The following IL20RB variants were observed in gnomAD, a reference collection of about 807,000 sequenced individuals.
IL20RB encodes interleukin-20 receptor subunit beta.
In IL20RB, 21 loss-of-function variants were observed where a neutral mutation model predicts 33.3. That is an observed-to-expected ratio of 0.63 (90% CI 0.45 to 0.91). The LOEUF (loss-of-function observed/expected upper bound fraction) is 0.91, where lower values mean the gene tolerates loss of function less well. Ranked by LOEUF, IL20RB falls within the 40% of genes least tolerant of loss-of-function variation. The pLI, the probability that IL20RB is intolerant of heterozygous loss-of-function variation, is 0.00. For missense variants in IL20RB, 345 were observed against 384.8 expected, an observed-to-expected ratio of 0.90 and a Z score of 0.86; for synonymous variants, 147 against 146.8, an observed-to-expected ratio of 1.00 and a Z score of -0.01.
At chr3:136,988,910 G>A (rs1941971191) in intron 3 of IL20RB, among the ~76,000 whole-genome samples, 1 of 152,178 alleles carries the variant, frequency 6.6e-6, no homozygotes, top group Non-Finnish European at 1.5e-5. Context: ...GAATGCACAT[G>A]GCCCTGCCAG....
chr3:136,988,418 A>G (rs981424877), intron 3 of IL20RB, among the ~76,000 whole-genome samples: 1 of 152,018 alleles, frequency 6.6e-6, no homozygotes, highest in African/African-American at 2.4e-5. Context: ...TTATGCTGTA[A>G]TTTCTAGAGT....
rs1433956486 is a variant in IL20RB, at chr3:136,964,285, G to A, written c.88+6084G>A. Among the ~76,000 whole-genome samples the A allele has an allele frequency of 5.9e-4, 48 of 81,644 alleles. 6 individuals carry two copies. The highest frequency in any genetic ancestry group is 2.5e-3 in the African/African-American group (46 of 18,440). 53.6% of individuals were successfully genotyped at this position (81,644 alleles called of 152,430 possible). A position where few individuals can be genotyped will look rare whatever the true frequency, so the allele number is the denominator to read the frequency against. ...AATCGCCACACTGACTTCCACAATG[G>A]TTGAACTAGTTTACAGTCCCACCAA... On this transcript the variant is annotated intron_variant, in intron 1 of 6. Coordinates refer to ENST00000329582, the MANE Select transcript of IL20RB (RefSeq NM_144717.4).
intron 4 of IL20RB, 128 bp from the exon 5 acceptor site, chr3:136,991,810 A>G (rs896873352): frequency 6.2e-6 from 5 of 812,184 alleles, no homozygotes; most frequent in East Asian, 2.7e-5. Flanking sequence ...GTGTTTCACC[A>G]TGTTGGTCAG....
Position 136,986,242 on chromosome 3 carries a change from A to T in IL20RB, c.407-3199A>T, listed in dbSNP as rs955428276. Among the ~76,000 whole-genome samples the T allele has an allele frequency of 4.3e-4, 60 of 139,744 alleles. No homozygotes were observed. In the East Asian group the frequency reaches 0.012, roughly 29 times the overall value. 91.7% of individuals were successfully genotyped at this position (139,744 alleles called of 152,430 possible). The stretch of plus-strand genomic sequence containing the variant: ...AAATAAATAAATAAATAAATAAATA[A>T]ATAAATAAATAAATAAAAATAAAAC... On this transcript the variant is annotated intron_variant, in intron 3 of 6. Coordinates refer to ENST00000329582, the MANE Select transcript of IL20RB (RefSeq NM_144717.4).
chr3:136,989,083 T>A (rs1194785645), intron 3 of IL20RB, among the ~76,000 whole-genome samples: 5 of 152,168 alleles, frequency 3.3e-5, no homozygotes, highest in African/African-American at 1.2e-4. Context: ...GGGGCATGGA[T>A]CATAAAATTT....
intron 6 of IL20RB, among the ~76,000 whole-genome samples, chr3:136,997,612 C>T (rs1204914839): frequency 4.4e-4 from 58 of 133,108 alleles, no homozygotes; most frequent in African/African-American, 1.5e-3. Flanking sequence ...TATGGTATAT[C>T]TTTTTTATTT....
chr3:136,988,099 G>A (rs538718202), intron 3 of IL20RB, among the ~76,000 whole-genome samples: 2 of 152,228 alleles, frequency 1.3e-5, no homozygotes, highest in African/African-American at 2.4e-5. Context: ...GGCAGAGGAC[G>A]CGCCCAGAGT....
At chr3:136,972,993 C>T (rs529217940) in intron 1 of IL20RB, among the ~76,000 whole-genome samples, 7 of 151,830 alleles carry the variant, frequency 4.6e-5, no homozygotes, top group East Asian at 1.9e-4. Context: ...ATGTTGTGTT[C>T]GATTTTTATT....
At chr3:136,991,857 G>A (rs1298825388) in intron 4 of IL20RB, 81 bp from the exon 5 acceptor site, 5 of 1,475,240 alleles carry the variant, frequency 3.4e-6, no homozygotes, top group African/African-American at 2.8e-5. Context: ...TGATCCGCCC[G>A]CCTCAGGCTC....
intron 1 of IL20RB, among the ~76,000 whole-genome samples, chr3:136,974,834 A>G (rs1245902406): frequency 2.0e-5 from 3 of 152,294 alleles, no homozygotes; most frequent in Non-Finnish European, 4.4e-5. Flanking sequence ...TGACTGGATT[A>G]TTTCAAAAGA....
At chr3:137,007,552 G>A (rs140992430) in intron 6 of IL20RB, among the ~76,000 whole-genome samples, 3 of 152,312 alleles carry the variant, frequency 2.0e-5, no homozygotes, top group South Asian at 2.1e-4. Context: ...AGACTGCTGC[G>A]CTAGCAGTGA....
Position 136,974,107 on chromosome 3 carries a change from T to C in IL20RB, c.89-6359T>C, listed in dbSNP as rs895110768. Among the ~76,000 whole-genome samples, 4 of 152,270 alleles carry C rather than the reference T, an allele frequency of 2.6e-5. No homozygotes were observed. The South Asian group carries it at 8.3e-4, about 32-fold the overall frequency. On this transcript the variant is annotated intron_variant, in intron 1 of 6. Coordinates refer to ENST00000329582, the MANE Select transcript of IL20RB (RefSeq NM_144717.4). ...TTCCTGTCATATTGTTAATTTTTTT[T>C]CTGTTTGTTTTACATATTATTTAGT...
At chr3:136,992,151 A>C in intron 5 of IL20RB, 63 bp downstream of exon 5, 180 of 1,546,986 alleles carry the variant, frequency 1.2e-4, no homozygotes, top group Middle Eastern at 2.1e-4. Flanking sequence ...GGCATATCTC[A>C]GAGGCCTGCT....
At chr3:137,004,078 A>G (rs1195467241) in intron 6 of IL20RB, among the ~76,000 whole-genome samples, 3 of 152,122 alleles carry the variant, frequency 2.0e-5, no homozygotes, top group African/African-American at 7.2e-5. Flanking sequence ...TGATTTGTGT[A>G]TGTTGAATCA....
intron 1 of IL20RB, among the ~76,000 whole-genome samples, chr3:136,977,403 A>C (rs1377248687): frequency 6.6e-6 from 1 of 152,192 alleles, no homozygotes; most frequent in East Asian, 1.9e-4. Context: ...CCATTTATTT[A>C]AATCTTCTTT....
intron 6 of IL20RB, among the ~76,000 whole-genome samples, chr3:137,006,629 A>G (rs1376322600): frequency 6.6e-6 from 1 of 152,098 alleles, no homozygotes; most frequent in African/African-American, 2.4e-5. Flanking sequence ...CAGGTCATTT[A>G]AGGTCTTCTC....
At position 137,010,202 on chromosome 3, in the gene IL20RB, CCT is replaced by C. The variant is rs763724328; in HGVS notation, c.917_918del (p.Leu306GlnfsTer26). 3.2e-6 allele frequency: 5 copies of C among 1,583,410 alleles called. No homozygotes were observed. The East Asian group carries it at 1.1e-4, about 35-fold the overall frequency. ...CGGCTGTGATGTCTCCTGAGGAACTCCTCAGGGCCTGGATCTCATAGGTTTGC... is the reference window on the plus strand; with the variant it reads ...CGGCTGTGATGTCTCCTGAGGAACTCCAGGGCCTGGATCTCATAGGTTTGC... The part of the protein sequence containing the change: ...ATAVMSPEEL[L>X]RAWIS On this transcript the variant is annotated frameshift_variant, in exon 7 of 7. Coordinates refer to ENST00000329582, the MANE Select transcript of IL20RB (RefSeq NM_144717.4). LOFTEE classifies it high-confidence loss of function.
At chr3:136,978,992 ATTAG>A (rs1941702260) in intron 1 of IL20RB, among the ~76,000 whole-genome samples, 1 of 152,226 alleles carries the variant, frequency 6.6e-6, no homozygotes, top group Admixed American at 6.5e-5. Context: ...ATGTAATTAA[ATTAG>A]TTATATAAAA....
At chr3:137,000,272 C>A (rs948914724) in intron 6 of IL20RB, among the ~76,000 whole-genome samples, 4 of 152,236 alleles carry the variant, frequency 2.6e-5, no homozygotes, top group African/African-American at 9.6e-5. Flanking sequence ...TTTCCCCACA[C>A]CTGTACCTCA....
Sources: allele counts gnomAD v4.1 joint callset (sites outside exome capture counted in the v4.1 genomes callset), GRCh38; gene constraint gnomAD v4.1.1; transcripts MANE v1.5; gene names NCBI Gene and HGNC (gene_info 2026-07-23, HGNC 2026-07-21).